ARL15: variants seen among roughly 807,000 people sequenced by gnomAD.
The protein encoded by ARL15 is ARF like GTPase 15, also known as ADP-ribosylation factor-like protein 15.
A neutral mutation model predicts 25.2 loss-of-function variants in ARL15; 19 were observed. The observed-to-expected ratio is 0.75, with a 90% CI of 0.53 to 1.10. ARL15 has a LOEUF of 1.10. Among genes scored for constraint, ARL15 ranks in the 50% least tolerant of loss-of-function variants. The pLI is 0.00. For synonymous variants in ARL15, 94 were observed against 86.8 expected (o/e 1.08, Z -0.46); for missense variants, 220 against 246.0 (o/e 0.89, Z 0.71).
chr5:53,962,003 C>A (rs1328149690), intron 4 of ARL15, among the ~76,000 whole-genome samples: 1 of 152,088 alleles, frequency 6.6e-6, no homozygotes, highest in Non-Finnish European at 1.5e-5. Flanking sequence ...TTAGGTTATT[C>A]CCAGTTTGTT....
intron 1 of ARL15, among the ~76,000 whole-genome samples, chr5:54,237,931 C>T (rs996697805): frequency 6.6e-6 from 1 of 152,202 alleles, no homozygotes; most frequent in African/African-American, 2.4e-5. Context: ...TACTTCACTA[C>T]TTACTCTAAA....
chr5:54,237,481 A>G (rs1292797996), intron 1 of ARL15, among the ~76,000 whole-genome samples: 2 of 152,250 alleles, frequency 1.3e-5, no homozygotes, highest in Admixed American at 1.3e-4. Context: ...CTGACAATGC[A>G]TGATCAGACA....
intron 1 of ARL15, among the ~76,000 whole-genome samples, chr5:54,274,686 C>CA (rs1757880109): frequency 6.6e-6 from 1 of 152,096 alleles, no homozygotes; most frequent in African/African-American, 2.4e-5. Context: ...ATCATGAGGT[C>CA]AGGAGTTCAA....
intron 3 of ARL15, among the ~76,000 whole-genome samples, chr5:54,127,072 T>C (rs1211561586): frequency 6.6e-6 from 1 of 152,018 alleles, no homozygotes; most frequent in African/African-American, 2.4e-5. Flanking sequence ...CATTGTTCAA[T>C]TCCCACCTAT....
intron 4 of ARL15, among the ~76,000 whole-genome samples, chr5:54,025,481 T>C (rs187531844): frequency 7.4e-4 from 113 of 152,318 alleles, no homozygotes; most frequent in East Asian, 1.5e-3. Flanking sequence ...GGCAAATTTC[T>C]AGTACATCAT....
At chr5:53,964,708 T>G (rs1042604119) in intron 4 of ARL15, among the ~76,000 whole-genome samples, 1 of 152,206 alleles carries the variant, frequency 6.6e-6, no homozygotes, top group African/African-American at 2.4e-5. Flanking sequence ...ATTCATAGGC[T>G]CCCTGAGATA....
chr5:54,241,881 G>C (rs1039261867), intron 1 of ARL15, among the ~76,000 whole-genome samples: 1 of 152,146 alleles, frequency 6.6e-6, no homozygotes, highest in Non-Finnish European at 1.5e-5. Flanking sequence ...ACCAACTAGA[G>C]CAATAATTTT....
rs961932902 is a variant in ARL15, at chr5:53,884,500, T to G, written c.*2061A>C. The stretch of plus-strand genomic sequence containing the variant: ...AGCAGCAAGACAGCGAGCTCCGACC[T>G]GCTAGACAAAGAGGGAGCCTTATTG... On this transcript the variant is annotated 3_prime_UTR_variant, in exon 5 of 5. Coordinates refer to ENST00000504924, the MANE Select transcript of ARL15 (RefSeq NM_019087.3). The G allele has an allele frequency of 1.3e-5, 2 of 151,966 alleles. No individual in the cohort carries two copies. The highest frequency in any genetic ancestry group is 2.9e-5 in the Non-Finnish European group (2 of 68,010). The allele number at this position is 151,966 out of a possible 1,614,324, so 9.4% of individuals were successfully genotyped here.
At chr5:54,179,942 TG>T (rs548638210) in intron 1 of ARL15, among the ~76,000 whole-genome samples, 126 of 147,064 alleles carry the variant, frequency 8.6e-4, no homozygotes, top group African/African-American at 3.2e-3. Flanking sequence ...CGCTTAAACC[TG>T]GGGGACTGAG....
At chr5:53,980,897 C>T (rs1748097016) in intron 4 of ARL15, among the ~76,000 whole-genome samples, 1 of 152,142 alleles carries the variant, frequency 6.6e-6, no homozygotes, top group African/African-American at 2.4e-5. Context: ...CGTAGGGTCA[C>T]CTGAGCCCAG....
intron 4 of ARL15, among the ~76,000 whole-genome samples, chr5:54,062,536 A>AAC (rs1751102848): frequency 1.3e-5 from 2 of 151,252 alleles, no homozygotes; most frequent in African/African-American, 4.9e-5. Context: ...AAAAAAAACA[A>AAC]CAGAAGCTTC....
At chr5:54,064,809 A>G (rs1751168364) in intron 4 of ARL15, among the ~76,000 whole-genome samples, 1 of 152,170 alleles carries the variant, frequency 6.6e-6, no homozygotes, top group Non-Finnish European at 1.5e-5. Flanking sequence ...AGGGGTTTGA[A>G]CTGTCTGAGT....
At chr5:54,040,801 G>A (rs1750319689) in intron 4 of ARL15, among the ~76,000 whole-genome samples, 1 of 152,114 alleles carries the variant, frequency 6.6e-6, no homozygotes, top group African/African-American at 2.4e-5. Flanking sequence ...ATTTTTTATG[G>A]TGTAGTTTTT....
chr5:53,939,865 TCAAA>T (rs1314389918), intron 4 of ARL15, among the ~76,000 whole-genome samples: 3 of 152,042 alleles, frequency 2.0e-5, no homozygotes, highest in Non-Finnish European at 4.4e-5. Flanking sequence ...AAACACTGAT[TCAAA>T]CAAATATGAA....
intron 4 of ARL15, among the ~76,000 whole-genome samples, chr5:53,939,711 G>A (rs1166675388): frequency 6.6e-6 from 1 of 151,610 alleles, no homozygotes; most frequent in Non-Finnish European, 1.5e-5. Flanking sequence ...CTCCAGCCTG[G>A]AGATAAAGCG....
chr5:54,160,006 C>A (rs1249689154), intron 2 of ARL15, among the ~76,000 whole-genome samples: 1 of 152,228 alleles, frequency 6.6e-6, no homozygotes, highest in African/African-American at 2.4e-5. Context: ...TCCCTCAAGT[C>A]TGAGTGCACG....
chr5:53,888,761 T>C (rs950289192), intron 4 of ARL15, among the ~76,000 whole-genome samples: 1 of 152,052 alleles, frequency 6.6e-6, no homozygotes, highest in African/African-American at 2.4e-5. Context: ...TAGGGGACCA[T>C]TGGCCAATAG....
At chr5:53,952,423 A>G (rs1399169255) in intron 4 of ARL15, among the ~76,000 whole-genome samples, 1 of 152,194 alleles carries the variant, frequency 6.6e-6, no homozygotes, top group African/African-American at 2.4e-5. Flanking sequence ...TGCTTGCATT[A>G]TAATAGCAAA....
intron 4 of ARL15, among the ~76,000 whole-genome samples, chr5:54,010,360 A>T (rs1377654687): frequency 2.6e-5 from 4 of 152,260 alleles, no homozygotes; most frequent in Non-Finnish European, 5.9e-5. Context: ...GTCTAAAAAA[A>T]TTGTCAAGAT....
Sources: gnomAD v4.1 joint callset for allele counts (sites outside exome capture counted in the v4.1 genomes callset) on GRCh38, gnomAD v4.1.1 for gene constraint, MANE v1.5 for transcripts, NCBI Gene and HGNC (gene_info 2026-07-23, HGNC 2026-07-21) for gene names.